Variants in ANKRD42 observed in about 807,000 individuals in gnomAD.
ANKRD42 encodes ankyrin repeat domain 42.
In ANKRD42, 43 loss-of-function variants were observed where a neutral mutation model predicts 51.5. The ratio of observed to expected loss-of-function variants is 0.83; its 90% confidence interval spans 0.65 to 1.08. ANKRD42 has a LOEUF of 1.08. Ranked by LOEUF, ANKRD42 falls within the 50% of genes least tolerant of loss-of-function variation. ANKRD42 has a pLI of 0.00. For synonymous variants in ANKRD42, 203 were observed against 213.0 expected (o/e 0.95, Z 0.41); for missense variants, 608 against 629.3 (o/e 0.97, Z 0.36).
rs532481138 is a variant in ANKRD42, at chr11:83,235,591, C to T, written c.914-813C>T. 3.3e-5 allele frequency among the ~76,000 whole-genome samples: 5 copies of T among 152,310 alleles called. No individual in the cohort carries two copies. In the South Asian group the frequency reaches 1.0e-3, roughly 32 times the overall value. On this transcript the variant is annotated intron_variant, in intron 7 of 10. Coordinates refer to ENST00000533342, the MANE Select transcript of ANKRD42 (RefSeq NM_001300975.2). ...TCTGTAAGTTGCAGCCACTTGCTGT[C>T]GTCTGAGGATATGAAGATTATAGCC...
chr11:83,205,476 A>C (rs1306748502), intron 2 of ANKRD42, among the ~76,000 whole-genome samples: 1 of 152,244 alleles, frequency 6.6e-6, no homozygotes, highest in East Asian at 1.9e-4. Context: ...TGAACATATA[A>C]AGACAGTAAC....
chr11:83,225,147 T>A, intron 6 of ANKRD42, 92 bp downstream of exon 6: 2 of 1,143,016 alleles, frequency 1.7e-6, no homozygotes, highest in South Asian at 3.4e-5. Flanking sequence ...GGAAAAGATA[T>A]AAGGCAAATG....
At chr11:83,229,121 G>A (rs1458209789) in intron 7 of ANKRD42, among the ~76,000 whole-genome samples, 1 of 151,554 alleles carries the variant, frequency 6.6e-6, no homozygotes, top group Admixed American at 6.6e-5. Context: ...GGTTTTTTTT[G>A]AGGCTTCTCT....
intron 2 of ANKRD42, 65 bp from the exon 3 acceptor site, chr11:83,205,993 A>G: frequency 7.1e-7 from 1 of 1,414,492 alleles, no homozygotes; most frequent in South Asian, 1.2e-5. Context: ...TAACAGACCA[A>G]ATTTAAAAGA....
rs66756456 is a variant in ANKRD42 at position 83,243,967 on chromosome 11, C to CTTTTTTTTTTTT, written c.1196-1513_1196-1502dup. Among the ~76,000 whole-genome samples the CTTTTTTTTTTTT allele has an allele frequency of 1.5e-4, 10 of 66,964 alleles. 1 individual carries two copies. Among genetic ancestry groups the CTTTTTTTTTTTT allele is most frequent in the Non-Finnish European group, 2.3e-4 (9 of 38,948 alleles). 43.9% of individuals were successfully genotyped at this position (66,964 alleles called of 152,430 possible). A position where few individuals can be genotyped will look rare whatever the true frequency, so the allele number is the denominator to read the frequency against. On this transcript the variant is annotated intron_variant, in intron 9 of 10. Coordinates refer to ENST00000533342, the MANE Select transcript of ANKRD42 (RefSeq NM_001300975.2). Reference sequence around the variant, plus strand: ...GCGTGAACCACCTCGCCTGGCTGCCCTTTTTTTTTTTTTTTTTTTTTTTTT... The same window carrying CTTTTTTTTTTTT: ...GCGTGAACCACCTCGCCTGGCTGCCCTTTTTTTTTTTTTTTTTTTTTTTTTTTTTTTTTTTTT...
At chr11:83,231,390 C>T (rs1024871073) in intron 7 of ANKRD42, among the ~76,000 whole-genome samples, 1 of 152,008 alleles carries the variant, frequency 6.6e-6, no homozygotes, top group Non-Finnish European at 1.5e-5. Flanking sequence ...GATCTTTTGC[C>T]CATTTAAAAA....
At chr11:83,212,773 A>G in intron 5 of ANKRD42, 1 of 1,517,038 alleles carries the variant, frequency 6.6e-7, no homozygotes, top group Non-Finnish European at 8.8e-7. Context: ...ACTGTCCAGG[A>G]TCATTTTGTT....
intron 7 of ANKRD42, 124 bp downstream of exon 7, chr11:83,227,996 A>C (rs1862943397): frequency 1.8e-6 from 2 of 1,134,774 alleles, no homozygotes; most frequent in East Asian, 2.5e-5. Context: ...AGCAGATATC[A>C]GTCTATCTTG....
intron 2 of ANKRD42, among the ~76,000 whole-genome samples, chr11:83,198,998 G>C (rs1407548569): frequency 2.0e-5 from 3 of 152,128 alleles, no homozygotes; most frequent in African/African-American, 7.2e-5. Flanking sequence ...GTTGATGCTG[G>C]TTATGGATTA....
At chr11:83,207,103 C>G (rs1862106144) in intron 3 of ANKRD42, among the ~76,000 whole-genome samples, 1 of 152,184 alleles carries the variant, frequency 6.6e-6, no homozygotes, top group African/African-American at 2.4e-5. Flanking sequence ...CAAACACATC[C>G]TTCTTCACAG....
intron 7 of ANKRD42, among the ~76,000 whole-genome samples, chr11:83,235,124 C>A (rs1863187448): frequency 6.6e-6 from 1 of 152,180 alleles, no homozygotes; most frequent in Non-Finnish European, 1.5e-5. Flanking sequence ...CTGGACCTTA[C>A]TGTTAAAGAG....
intron 2 of ANKRD42, among the ~76,000 whole-genome samples, chr11:83,204,962 A>G (rs1862013565): frequency 6.6e-6 from 1 of 152,192 alleles, no homozygotes; most frequent in Admixed American, 6.5e-5. Context: ...ACAATGAGAT[A>G]CCTGTAAGAA....
chr11:83,255,929 T>A, exon 12 of ANKRD42: 1 of 1,521,782 alleles, frequency 6.6e-7, no homozygotes. Flanking sequence ...TGTGAGAAGG[T>A]ACTAATCAGT....
At chr11:83,236,875 C>G (rs1237979059) in intron 8 of ANKRD42, among the ~76,000 whole-genome samples, 2 of 152,206 alleles carry the variant, frequency 1.3e-5, no homozygotes, top group African/African-American at 4.8e-5. Context: ...ATGCCTGTAG[C>G]ATTCCCTGTT....
Position 83,211,329 on chromosome 11 carries a change from C to G in ANKRD42, c.485C>G (p.Pro162Arg). ...GTGACTGATAAGAGAGAATGGAGAC[C>G]TGTGCATTATGCAGCTTTTCATGGG... The part of the protein sequence containing the change: ...PSVTDKREWR[P>R]VHYAAFHGRL... Residue 162 changes from proline to arginine, a missense_variant, in exon 5 of 11, where the codon CCT becomes CGT. Transcript: ENST00000533342. 1 of 1,614,180 alleles carries G rather than the reference C, an allele frequency of 6.2e-7. No individual in the cohort carries two copies. The highest frequency in any genetic ancestry group is 8.5e-7 in the Non-Finnish European group (1 of 1,180,024).
intron 1 of ANKRD42, among the ~76,000 whole-genome samples, chr11:83,196,315 C>T (rs937161462): frequency 8.5e-5 from 13 of 152,116 alleles, no homozygotes; most frequent in Non-Finnish European, 1.6e-4. Flanking sequence ...AAATAAGTTT[C>T]ACCATTGTCT....
chr11:83,248,717 T>A lies in ANKRD42; in HGVS notation c.*513T>A, dbSNP rs11233538. 1.4e-3 allele frequency: 1,395 copies of A among 975,660 alleles called. 13 individuals carry two copies. The African/African-American group carries it at 0.022, about 16-fold the overall frequency. The allele number at this position is 975,660 out of a possible 1,614,324, so 60.4% of individuals were successfully genotyped here. ...CTCTTTAATAACCACTTTAAAAATA[T>A]TAAAATAATAAAACATGTTTGTTGT... On this transcript the variant is annotated 3_prime_UTR_variant, in exon 11 of 11. Transcript: ENST00000533342.
chr11:83,254,775 T>C (rs1265379337), intron 11 of ANKRD42, among the ~76,000 whole-genome samples: 2 of 152,228 alleles, frequency 1.3e-5, no homozygotes, highest in African/African-American at 4.8e-5. Context: ...GTATGTATAG[T>C]ATGAAGAACA....
chr11:83,217,677 G>A (rs1245873316), intron 5 of ANKRD42, among the ~76,000 whole-genome samples: 1 of 152,178 alleles, frequency 6.6e-6, no homozygotes, highest in African/African-American at 2.4e-5. Context: ...GGTGCTTCTG[G>A]CCCAGAGGGC....
Sources: allele counts gnomAD v4.1 joint callset (sites outside exome capture counted in the v4.1 genomes callset), GRCh38; gene constraint gnomAD v4.1.1; transcripts MANE v1.5; gene names NCBI Gene and HGNC (gene_info 2026-07-23, HGNC 2026-07-21).